Variants in PKNOX2 observed in about 807,000 individuals in gnomAD.
PKNOX2 encodes the protein PBX/knotted 1 homeobox 2.
Under a neutral mutation model 53.1 loss-of-function variants are expected in PKNOX2, and 14 were observed. That is an observed-to-expected ratio of 0.26 (90% CI 0.17 to 0.41). The LOEUF (loss-of-function observed/expected upper bound fraction) is 0.41, where lower values mean the gene tolerates loss of function less well. Ranked by LOEUF, PKNOX2 falls within the 10% of genes least tolerant of loss-of-function variation. PKNOX2 has a pLI of 1.00. For synonymous variants in PKNOX2, 257 were observed against 242.8 expected (o/e 1.06, Z -0.54); for missense variants, 496 against 602.8 (o/e 0.82, Z 1.85).
rs140376643 is a variant in PKNOX2 at position 125,368,949 on chromosome 11, T to C, written c.227+964T>C. Among the ~76,000 whole-genome samples the C allele has an allele frequency of 1.7e-3, 263 of 152,342 alleles. 4 individuals carry two copies. In the South Asian group the frequency reaches 0.03, roughly 17 times the overall value. On this transcript the variant is annotated intron_variant, in intron 5 of 12. Coordinates refer to ENST00000298282, the MANE Select transcript of PKNOX2 (RefSeq NM_001382323.2). ...TTATATGTTCACATGCATCAGCAAG[T>C]GTGGCTCGCCTCTGGCTGGGCACAC...
At chr11:125,196,108 C>T (rs1422025736) in intron 1 of PKNOX2, among the ~76,000 whole-genome samples, 2 of 152,070 alleles carry the variant, frequency 1.3e-5, no homozygotes, top group African/African-American at 4.8e-5. Context: ...TGTCAAGATC[C>T]TTAGAGGGGC....
At position 125,343,133 on chromosome 11, in the gene PKNOX2, G is replaced by A. The variant is rs142418480; in HGVS notation, c.-22-8151G>A. 6.6e-3 allele frequency among the ~76,000 whole-genome samples: 1,005 copies of A among 152,262 alleles called. 8 individuals are homozygous for A. The highest frequency in any genetic ancestry group is 0.023 in the African/African-American group (938 of 41,562). On this transcript the variant is annotated intron_variant, in intron 3 of 12. Coordinates refer to ENST00000298282, the MANE Select transcript of PKNOX2 (RefSeq NM_001382323.2). ...CCTCCATTCCTGGGGGTGAACAATA[G>A]GGGGAGGGGCTCCTGGAATGGGAGA...
intron 6 of PKNOX2, among the ~76,000 whole-genome samples, chr11:125,397,050 A>G (rs936195004): frequency 1.3e-5 from 2 of 152,340 alleles, no homozygotes; most frequent in Middle Eastern, 3.4e-3. Flanking sequence ...TACCTTCCAT[A>G]GTATTTTCTT....
intron 1 of PKNOX2, among the ~76,000 whole-genome samples, chr11:125,198,030 G>T (rs1003942777): frequency 1.3e-5 from 2 of 152,240 alleles, no homozygotes; most frequent in Non-Finnish European, 2.9e-5. Flanking sequence ...GCCCTCAGAG[G>T]CAAGGCCTTT....
chr11:125,340,975 G>A (rs1038119317), intron 3 of PKNOX2, among the ~76,000 whole-genome samples: 3 of 149,388 alleles, frequency 2.0e-5, no homozygotes, highest in African/African-American at 5.0e-5. Flanking sequence ...GCTTGAACCC[G>A]GAAGGCAGAG....
intron 1 of PKNOX2, among the ~76,000 whole-genome samples, chr11:125,207,672 T>C (rs908483634): frequency 6.6e-6 from 1 of 152,056 alleles, no homozygotes; most frequent in Non-Finnish European, 1.5e-5. Context: ...CTTGTCGGCA[T>C]GAAAGCTACT....
At chr11:125,377,096 C>T (rs530400860) in intron 5 of PKNOX2, among the ~76,000 whole-genome samples, 3 of 152,296 alleles carry the variant, frequency 2.0e-5, no homozygotes, top group East Asian at 3.9e-4. Context: ...AAAGTGCCCA[C>T]GCACCGTTCC....
chr11:125,178,702 GAA>G (rs1302556249), intron 1 of PKNOX2, among the ~76,000 whole-genome samples: 4,071 of 145,722 alleles, frequency 0.028, 134 homozygotes, highest in Middle Eastern at 0.038. Flanking sequence ...GAGAGAGAAA[GAA>G]AGAAAGAAAG....
At chr11:125,288,725 C>G (rs7108182) in intron 2 of PKNOX2, among the ~76,000 whole-genome samples, 3,225 of 152,310 alleles carry the variant, frequency 0.021, 126 homozygotes, top group African/African-American at 0.073. Flanking sequence ...CCATCCCCAG[C>G]CTTGCTACTC....
At chr11:125,270,113 C>T (rs1945675710) in intron 2 of PKNOX2, among the ~76,000 whole-genome samples, 1 of 152,178 alleles carries the variant, frequency 6.6e-6, no homozygotes, top group African/African-American at 2.4e-5. Flanking sequence ...AGAGCCATTG[C>T]CCCCTCAGGT....
intron 9 of PKNOX2, chr11:125,411,470 C>CTCTCTCTCTT: frequency 6.6e-6 from 2 of 302,816 alleles, no homozygotes; most frequent in South Asian, 5.5e-5. Context: ...CTTTCTCTCT[C>CTCTCTCTCTT]TCTCTCTCTC....
intron 1 of PKNOX2, among the ~76,000 whole-genome samples, chr11:125,170,554 G>C (rs1364362555): frequency 6.6e-6 from 1 of 152,222 alleles, no homozygotes; most frequent in African/African-American, 2.4e-5. Context: ...CGGTCAAGCA[G>C]AGCTTGAGAA....
intron 5 of PKNOX2, among the ~76,000 whole-genome samples, chr11:125,376,563 C>T (rs1334621638): frequency 6.6e-6 from 1 of 152,196 alleles, no homozygotes; most frequent in Non-Finnish European, 1.5e-5. Context: ...CTAGAAGCTG[C>T]CAGATGGCAA....
At chr11:125,269,726 T>C (rs1945645070) in intron 2 of PKNOX2, among the ~76,000 whole-genome samples, 1 of 152,168 alleles carries the variant, frequency 6.6e-6, no homozygotes, top group South Asian at 2.1e-4. Flanking sequence ...GCAAGGGTGG[T>C]CCAGGTCTCT....
intron 1 of PKNOX2, among the ~76,000 whole-genome samples, chr11:125,205,068 C>A (rs7125646): frequency 0.024 from 3,621 of 152,320 alleles, 157 homozygotes; most frequent in African/African-American, 0.081. Flanking sequence ...TCGTGCTGAG[C>A]ACAGGGCTTG....
chr11:125,206,789 A>G (rs1939167274), intron 1 of PKNOX2, among the ~76,000 whole-genome samples: 1 of 152,104 alleles, frequency 6.6e-6, no homozygotes, highest in South Asian at 2.1e-4. Context: ...AGTAAACTGC[A>G]GCCAGCATTA....
chr11:125,238,574 T>C (rs1942917196), intron 2 of PKNOX2, among the ~76,000 whole-genome samples: 1 of 152,222 alleles, frequency 6.6e-6, no homozygotes, highest in Admixed American at 6.5e-5. Context: ...TTGACTCCTC[T>C]GTAAATGGAA....
At chr11:125,190,488 G>A (rs564106570) in intron 1 of PKNOX2, among the ~76,000 whole-genome samples, 6 of 152,198 alleles carry the variant, frequency 3.9e-5, no homozygotes, top group East Asian at 1.9e-4. Flanking sequence ...ACGGTACTCC[G>A]CTGCTCACCC....
At position 125,311,281 on chromosome 11, in the gene PKNOX2, A is replaced by G. The variant is rs140508382; in HGVS notation, c.-129-20538A>G. On this transcript the variant is annotated intron_variant, in intron 2 of 12. Coordinates refer to ENST00000298282, the MANE Select transcript of PKNOX2 (RefSeq NM_001382323.2). ...GGTTAGACCTTGCCCTCTTTTGCCAACACTCCTTAGAAATAGCATTAGCAA... is the reference window on the plus strand; with the variant it reads ...GGTTAGACCTTGCCCTCTTTTGCCAGCACTCCTTAGAAATAGCATTAGCAA... 2.2e-3 allele frequency among the ~76,000 whole-genome samples: 339 copies of G among 152,304 alleles called. 1 individual carries two copies. The highest frequency in any genetic ancestry group is 6.9e-3 in the African/African-American group (287 of 41,564).
Sources: gnomAD v4.1 joint callset for allele counts (sites outside exome capture counted in the v4.1 genomes callset) on GRCh38, gnomAD v4.1.1 for gene constraint, MANE v1.5 for transcripts, NCBI Gene and HGNC (gene_info 2026-07-23, HGNC 2026-07-21) for gene names.